The following CLSPN variants were observed in gnomAD, a reference collection of about 807,000 sequenced individuals.
CLSPN encodes the protein claspin homolog.
In CLSPN, 85 loss-of-function variants were observed where a neutral mutation model predicts 156.3. That is an observed-to-expected ratio of 0.54 (90% CI 0.46 to 0.65). The LOEUF (loss-of-function observed/expected upper bound fraction) is 0.65. CLSPN is among the 30% of genes least tolerant of loss of function. CLSPN has a pLI of 0.00. For missense variants in CLSPN, 1,407 were observed against 1,554.9 expected, an observed-to-expected ratio of 0.90 and a Z score of 1.60; for synonymous variants, 534 against 542.4, an observed-to-expected ratio of 0.98 and a Z score of 0.22.
rs373701877 is a variant in CLSPN, at chr1:35,735,365, A to C, written c.*1131T>G. ...AGCATACAGGAAAATGAAAGGGGTA[A>C]GAGTAATACAGCAGCCCATCTGTTG... On this transcript the variant is annotated 3_prime_UTR_variant, in exon 25 of 25. Transcript: ENST00000318121. 4.4e-5 allele frequency: 43 copies of C among 985,456 alleles called. No homozygotes were observed. The African/African-American group carries it at 7.0e-4, about 16-fold the overall frequency. The allele number at this position is 985,456 out of a possible 1,614,324, so 61.0% of individuals were successfully genotyped here.
intron 1 of CLSPN, among the ~76,000 whole-genome samples, chr1:35,769,378 T>G (rs1157986618): frequency 1.3e-5 from 2 of 152,206 alleles, no homozygotes; most frequent in East Asian, 3.9e-4. Context: ...CTGCGCGCGA[T>G]GACCTCCAGG....
chr1:35,763,111 A>G, intron 4 of CLSPN, 49 bp downstream of exon 4: 1 of 1,371,292 alleles, frequency 7.3e-7, no homozygotes, highest in Non-Finnish European at 9.5e-7. Context: ...AAATATAGCA[A>G]AGGTCAGAAG....
At chr1:35,722,261 T>TC (rs1409285944) in intron 24 of CLSPN, among the ~76,000 whole-genome samples, 1 of 147,698 alleles carries the variant, frequency 6.8e-6, no homozygotes, top group African/African-American at 2.5e-5. Flanking sequence ...TCCTTTTTTT[T>TC]TTTTTTTTTT....
downstream of CLSPN, among the ~76,000 whole-genome samples, chr1:35,727,967 T>C (rs141901344): frequency 1.3e-4 from 20 of 152,338 alleles, no homozygotes; most frequent in African/African-American, 4.8e-4. Context: ...GCTTGCTTTC[T>C]GCTTTCAGCC....
intron 10 of CLSPN, 24 bp from the exon 11 acceptor site, chr1:35,749,835 A>C (rs1187623565): frequency 6.2e-7 from 1 of 1,602,158 alleles, no homozygotes. Context: ...GCCACCACAA[A>C]ACAAAAAATA....
chr1:35,758,012 CTTTTT>C (rs1642334257), intron 8 of CLSPN, among the ~76,000 whole-genome samples: 1 of 151,450 alleles, frequency 6.6e-6, no homozygotes, highest in Non-Finnish European at 1.5e-5. Flanking sequence ...TTTTGTTTTT[CTTTTT>C]GTTTTAATGA....
rs1314210781 is a variant in CLSPN at position 35,737,384 on chromosome 1, C to T, written c.3702G>A (p.Leu1234=). The T allele has an allele frequency of 6.2e-7, 1 of 1,613,982 alleles. No individual in the cohort carries two copies. Among genetic ancestry groups the T allele is most frequent in the Admixed American group, 1.7e-5 (1 of 60,010 alleles). ...TGATGGCTTCAAAAGGATTTCTGAG[C>T]AAAGACTTTGATTCCTGAATAACCA... ...RPMVIQESKS[L]LRNPFEAIRP... Residue 1234 remains leucine, a synonymous_variant, in exon 23 of 25, where the codon TTG becomes TTA. Transcript: ENST00000318121.
chr1:35,748,747 G>T, intron 12 of CLSPN, 143 bp from the exon 13 acceptor site: 1 of 620,188 alleles, frequency 1.6e-6, no homozygotes, highest in Non-Finnish European at 2.9e-6. Flanking sequence ...TTAAGTTAAA[G>T]GTAAATTACA....
chr1:35,721,482 G>C (rs1641071730), intron 24 of CLSPN, among the ~76,000 whole-genome samples: 1 of 152,144 alleles, frequency 6.6e-6, no homozygotes, highest in Non-Finnish European at 1.5e-5. Flanking sequence ...CCGCCTCCCA[G>C]GTTCAAGTCA....
rs775866026 is a variant in CLSPN at position 35,760,720 on chromosome 1, A to G, written c.1201T>C (p.Leu401=). 2.5e-6 allele frequency: 4 copies of G among 1,613,902 alleles called. No homozygotes were observed. Among genetic ancestry groups the G allele is most frequent in the East Asian group, 4.5e-5 (2 of 44,894 alleles). Residue 401 remains leucine (L), a synonymous_variant, in exon 8 of 25, where the codon TTG becomes CTG. Transcript: ENST00000318121. ...ATTTCTAGCTCTTCATTTTTTACCAAATCCTTCCTGCAAGACTCATCTGAT... is the reference window on the plus strand; with the variant it reads ...ATTTCTAGCTCTTCATTTTTTACCAGATCCTTCCTGCAAGACTCATCTGAT... ...TGSDESCRKD[L]VKNEELEIQE... is the part of the protein sequence containing the mutation.
At chr1:35,764,007 C>G (rs12745480) in intron 3 of CLSPN, among the ~76,000 whole-genome samples, 1 of 152,158 alleles carries the variant, frequency 6.6e-6, no homozygotes, top group Non-Finnish European at 1.5e-5. Flanking sequence ...ACTCTGTTGC[C>G]TAGGCTGTTC....
Position 35,734,790 on chromosome 1 carries a change from T to C in CLSPN, c.*1706A>G, listed in dbSNP as rs954048781. 1.2e-5 allele frequency: 12 copies of C among 984,726 alleles called. No individual in the cohort carries two copies. Among genetic ancestry groups the C allele is most frequent in the Non-Finnish European group, 1.4e-5 (12 of 829,726 alleles). 61.0% of individuals were successfully genotyped at this position (984,726 alleles called of 1,614,324 possible). On this transcript the variant is annotated 3_prime_UTR_variant, in exon 25 of 25. Transcript: ENST00000318121. ...TTAAATTGGTGTTCCCATCTCCCAG[T>C]AAAAAACTGGCACACTCTCTTCCAA...
At chr1:35,742,747 T>C (rs1447819985) in intron 18 of CLSPN, among the ~76,000 whole-genome samples, 1 of 121,760 alleles carries the variant, frequency 8.2e-6, no homozygotes, top group Non-Finnish European at 1.7e-5. Context: ...GATCAACTTT[T>C]TTTTTTTTTT....
downstream of CLSPN, among the ~76,000 whole-genome samples, chr1:35,728,077 C>CTTTTTTTTTT (rs59275877): frequency 1.3e-4 from 14 of 103,984 alleles, no homozygotes; most frequent in Non-Finnish European, 1.1e-4. Context: ...AAACCACAAG[C>CTTTTTTTTTT]TTTTTTTTTT....
Position 35,764,576 on chromosome 1 carries a change from T to C in CLSPN, c.272A>G (p.Asn91Ser). Reference protein sequence around the residue: ...YDSAEEENKENLYAGKNTKIK... With the variant: ...YDSAEEENKESLYAGKNTKIK... ...TTTTGTATTTTTCCCAGCATATAAA[T>C]TCTCTTTATTTTCCTCCTCGGCACT... The change falls in exon 3 of 25, where the codon AAT becomes AGT. Residue 91 changes from asparagine (N) to serine (S), a missense_variant. Coordinates refer to ENST00000318121, the MANE Select transcript of CLSPN (RefSeq NM_022111.4). 4 of 1,613,980 alleles carry C rather than the reference T, an allele frequency of 2.5e-6. No homozygotes were observed. The highest frequency in any genetic ancestry group is 3.4e-6 in the Non-Finnish European group (4 of 1,179,956).
chr1:35,735,941 C>T lies in CLSPN; in HGVS notation c.*555G>A. The T allele has an allele frequency of 1.0e-6, 1 of 985,128 alleles. No homozygotes were observed. Among genetic ancestry groups the T allele is most frequent in the Non-Finnish European group, 1.2e-6 (1 of 829,850 alleles). The allele number at this position is 985,128 out of a possible 1,614,324, so 61.0% of individuals were successfully genotyped here. On this transcript the variant is annotated 3_prime_UTR_variant, in exon 25 of 25. Transcript: ENST00000318121. ...GAGGAAGTGAAACCTAACCCAAGGC[C>T]AGGTGCAGTGACTCATGCATGTGAC... is the stretch of plus-strand genomic sequence containing the variant.
At chr1:35,761,752 T>C (rs767581707) in intron 6 of CLSPN, among the ~76,000 whole-genome samples, 3 of 152,134 alleles carry the variant, frequency 2.0e-5, no homozygotes, top group Non-Finnish European at 4.4e-5. Flanking sequence ...CCTGACACAA[T>C]CAGTCCATAG....
Position 35,724,391 on chromosome 1 carries a change from A to C in CLSPN, c.3910-3411T>G, listed in dbSNP as rs186081602. 3.3e-5 allele frequency among the ~76,000 whole-genome samples: 5 copies of C among 152,312 alleles called. No homozygotes were observed. In the East Asian group the frequency reaches 7.7e-4, roughly 24 times the overall value. ...CTGGAGCTCGGTGGGAAATGGAGGT[A>C]AGGTGAGGCTAGAAGATAAAGTTGG... is the stretch of plus-strand genomic sequence containing the variant. On this transcript the variant is annotated intron_variant, in intron 24 of 24. Coordinates refer to the CLSPN transcript ENST00000251195.
chr1:35,747,059 A>C, intron 14 of CLSPN, 67 bp from the exon 15 acceptor site: 225 of 1,225,010 alleles, frequency 1.8e-4, no homozygotes, highest in Non-Finnish European at 2.5e-4. Flanking sequence ...GCGGTAGCTC[A>C]CGCCTGTAAT....
Sources: gnomAD v4.1 joint callset for allele counts (sites outside exome capture counted in the v4.1 genomes callset) on GRCh38, gnomAD v4.1.1 for gene constraint, MANE v1.5 for transcripts, NCBI Gene and HGNC (gene_info 2026-07-23, HGNC 2026-07-21) for gene names.